Variants in EPHA6 observed in about 807,000 individuals in gnomAD.
EPHA6 encodes EPH receptor A6.
EPHA6 carries 50 observed loss-of-function variants against 112.0 expected under a neutral mutation model. The ratio of observed to expected loss-of-function variants is 0.45; its 90% CI spans 0.36 to 0.56. The LOEUF (loss-of-function observed/expected upper bound fraction) is 0.56. EPHA6 is among the 20% of genes least tolerant of loss of function. EPHA6 has a pLI of 0.00. For synonymous variants in EPHA6, 529 were observed against 490.7 expected (o/e 1.08, Z -1.03); for missense variants, 1,280 against 1,417.4 (o/e 0.90, Z 1.56).
chr3:97,314,609 C>A (rs1181830870), intron 5 of EPHA6, among the ~76,000 whole-genome samples: 1 of 151,564 alleles, frequency 6.6e-6, no homozygotes, highest in Non-Finnish European at 1.5e-5. Flanking sequence ...GAATCACAAT[C>A]TCAAATACAA....
chr3:97,192,674 T>C (rs937454956), intron 3 of EPHA6, among the ~76,000 whole-genome samples: 4 of 152,208 alleles, frequency 2.6e-5, no homozygotes, highest in South Asian at 2.1e-4. Flanking sequence ...TCTGTACTTA[T>C]GGGGTATTAC....
At chr3:97,222,203 T>G (rs775074655) in intron 3 of EPHA6, among the ~76,000 whole-genome samples, 27 of 152,100 alleles carry the variant, frequency 1.8e-4, no homozygotes, top group Non-Finnish European at 1.2e-4. Flanking sequence ...TATGATATGA[T>G]CTGAGAGTTA....
intron 10 of EPHA6, among the ~76,000 whole-genome samples, chr3:97,513,012 T>C (rs969113848): frequency 9.8e-5 from 15 of 152,326 alleles, no homozygotes; most frequent in Non-Finnish European, 1.9e-4. Flanking sequence ...TACTTTCACA[T>C]AGAGAGTTAA....
chr3:97,230,687 T>C (rs921750327), intron 4 of EPHA6, among the ~76,000 whole-genome samples: 4 of 152,172 alleles, frequency 2.6e-5, no homozygotes, highest in African/African-American at 9.7e-5. Flanking sequence ...AACATGTACC[T>C]CGTGTATACA....
intron 5 of EPHA6, among the ~76,000 whole-genome samples, chr3:97,371,591 T>C (rs949301763): frequency 1.7e-4 from 26 of 152,030 alleles, no homozygotes; most frequent in South Asian, 2.1e-4. Flanking sequence ...ACTGCACAAA[T>C]TGTTTAAACA....
Position 96,958,327 on chromosome 3 carries a change from C to G in EPHA6, c.451-29003C>G, listed in dbSNP as rs554870684. Among the ~76,000 whole-genome samples, 12 of 151,760 alleles carry G rather than the reference C, an allele frequency of 7.9e-5. No homozygotes were observed. The South Asian group carries it at 2.3e-3, about 29-fold the overall frequency. On this transcript the variant is annotated intron_variant, in intron 2 of 17. Transcript: ENST00000389672. Reference sequence around the variant, plus strand: ...AAAAAAAAGAACTTGACTTTCAGTTCTGCCATTTGCTAATTCTCTGACTTT... The same window carrying G: ...AAAAAAAAGAACTTGACTTTCAGTTGTGCCATTTGCTAATTCTCTGACTTT...
chr3:97,063,009 T>C (rs2046069652), intron 3 of EPHA6, among the ~76,000 whole-genome samples: 1 of 151,870 alleles, frequency 6.6e-6, no homozygotes, highest in Non-Finnish European at 1.5e-5. Context: ...AAATACCCTC[T>C]CATACCAGTC....
chr3:97,190,756 T>C (rs555021828), intron 3 of EPHA6, among the ~76,000 whole-genome samples: 105 of 152,096 alleles, frequency 6.9e-4, no homozygotes, highest in Non-Finnish European at 1.3e-3. Context: ...TTGGGAGATA[T>C]ACCTAAGGCT....
intron 2 of EPHA6, among the ~76,000 whole-genome samples, chr3:96,978,411 A>G (rs991646856): frequency 1.3e-5 from 2 of 152,152 alleles, no homozygotes; most frequent in Admixed American, 6.6e-5. Context: ...GTATTTCCAA[A>G]AGGAAAAGTA....
intron 1 of EPHA6, among the ~76,000 whole-genome samples, chr3:96,836,482 C>T (rs1013394904): frequency 1.3e-5 from 2 of 152,072 alleles, no homozygotes; most frequent in African/African-American, 4.8e-5. Flanking sequence ...TTTGTCAAAA[C>T]GTTTTGAAAA....
chr3:97,119,016 G>A (rs1559739795), intron 3 of EPHA6, among the ~76,000 whole-genome samples: 1 of 151,980 alleles, frequency 6.6e-6, no homozygotes, highest in South Asian at 2.1e-4. Context: ...AGTCATTTTT[G>A]TACAAGAAAT....
chr3:97,446,537 A>G (rs1037552110), intron 6 of EPHA6, among the ~76,000 whole-genome samples: 1 of 152,118 alleles, frequency 6.6e-6, no homozygotes, highest in Non-Finnish European at 1.5e-5. Context: ...CTTTTGAACC[A>G]TATCTTCTCT....
At chr3:96,830,033 C>A (rs1487737393) in intron 1 of EPHA6, among the ~76,000 whole-genome samples, 2 of 151,498 alleles carry the variant, frequency 1.3e-5, no homozygotes, top group Admixed American at 6.6e-5. Flanking sequence ...TTCTTTTTCA[C>A]TAGAGTGCAG....
chr3:96,850,360 T>G (rs1050082143), intron 1 of EPHA6, among the ~76,000 whole-genome samples: 1 of 152,074 alleles, frequency 6.6e-6, no homozygotes, highest in African/African-American at 2.4e-5. Context: ...CGGAGGTACA[T>G]ATTTCATCGC....
chr3:97,244,156 A>G lies in EPHA6; in HGVS notation c.1475A>G (p.Asn492Ser). 1.2e-6 allele frequency: 2 copies of G among 1,613,118 alleles called. No homozygotes were observed. The highest frequency in any genetic ancestry group is 8.5e-7 in the Non-Finnish European group (1 of 1,179,366). The change falls in exon 5 of 18, where the codon AAT becomes AGT. Residue 492 changes from asparagine (N) to serine (S), a missense_variant. Transcript: ENST00000389672. ...FIPRHTGLIN[N>S]SVIVLDFVSH... ...CCAAGACATACAGGCCTGATCAACA[A>G]TTCCGTGATAGTACTTGACTTTGTG...
At chr3:97,329,563 G>A (rs1359605102) in intron 5 of EPHA6, among the ~76,000 whole-genome samples, 9 of 151,776 alleles carry the variant, frequency 5.9e-5, no homozygotes, top group East Asian at 3.9e-4. Flanking sequence ...TTCTCTGATG[G>A]CCAGTGATGA....
intron 5 of EPHA6, among the ~76,000 whole-genome samples, chr3:97,251,306 G>A (rs188813711): frequency 2.0e-5 from 3 of 151,990 alleles, no homozygotes; most frequent in African/African-American, 7.2e-5. Flanking sequence ...CGAGGCAGGC[G>A]GATCACGAGG....
At chr3:96,914,155 G>GT (rs1192343468) in intron 2 of EPHA6, among the ~76,000 whole-genome samples, 1 of 152,022 alleles carries the variant, frequency 6.6e-6, no homozygotes, top group African/African-American at 2.4e-5. Flanking sequence ...CATAAATACA[G>GT]TTTTTTTAAA....
intron 5 of EPHA6, among the ~76,000 whole-genome samples, chr3:97,384,401 A>G (rs1048253888): frequency 5.3e-5 from 8 of 152,204 alleles, no homozygotes; most frequent in Non-Finnish European, 8.8e-5. Flanking sequence ...GCTTAATTAC[A>G]GCACTGTGCT....
Sources: gnomAD v4.1 joint callset for allele counts (sites outside exome capture counted in the v4.1 genomes callset) on GRCh38, gnomAD v4.1.1 for gene constraint, MANE v1.5 for transcripts, NCBI Gene and HGNC (gene_info 2026-07-23, HGNC 2026-07-21) for gene names.